AATK: variants seen among roughly 807,000 people sequenced by gnomAD.
AATK encodes the protein lemur tail kinase 1.
Under a neutral mutation model 114.3 loss-of-function variants are expected in AATK, and 91 were observed. That is an observed-to-expected ratio of 0.80 (90% CI 0.67 to 0.95). The LOEUF (loss-of-function observed/expected upper bound fraction) is 0.95. Ranked by LOEUF, AATK falls within the 40% of genes least tolerant of loss-of-function variation. The pLI is 0.00. For missense variants in AATK, 2,176 were observed against 1,965.2 expected, an observed-to-expected ratio of 1.11 and a Z score of -2.03; for synonymous variants, 1,075 against 916.5, an observed-to-expected ratio of 1.17 and a Z score of -3.12.
intron 2 of AATK, 46 bp from the exon 3 acceptor site, chr17:81,131,251 A>G: frequency 6.5e-7 from 1 of 1,529,772 alleles, no homozygotes; most frequent in African/African-American, 1.4e-5. Flanking sequence ...CAGGTCAAGG[A>G]AGGGTGTGGC....
At position 81,126,354 on chromosome 17, in the gene AATK, C is replaced by A; in HGVS notation, c.755+73G>T. ...CTCGCAAGCCCCCTGAGGCAGGACCCGCCCTATGCCCTTCCTTCAGGGGAG... is the reference window on the plus strand; with the variant it reads ...CTCGCAAGCCCCCTGAGGCAGGACCAGCCCTATGCCCTTCCTTCAGGGGAG... On this transcript the variant is annotated intron_variant, in intron 7 of 13. Coordinates refer to ENST00000326724, the MANE Select transcript of AATK (RefSeq NM_001080395.3). This position sits in a 1 kb window ranked among gnomAD's most constrained non-coding sequence, Gnocchi z 5.1. 1.3e-6 allele frequency: 2 copies of A among 1,494,266 alleles called. No individual in the cohort carries two copies. The highest frequency in any genetic ancestry group is 2.5e-5 in the South Asian group (2 of 79,554). 92.6% of individuals were successfully genotyped at this position (1,494,266 alleles called of 1,614,324 possible).
intron 1 of AATK, among the ~76,000 whole-genome samples, chr17:81,135,522 A>G (rs2060996365): frequency 6.6e-6 from 1 of 152,046 alleles, no homozygotes. Flanking sequence ...CTCAGCTCCC[A>G]ACACCCCTCA....
rs368345928 is a variant in AATK, at chr17:81,128,967, G to A, written c.335-418C>T. 9.7e-5 allele frequency: 101 copies of A among 1,044,878 alleles called. 1 individual carries two copies. The African/African-American group carries it at 1.4e-3, about 15-fold the overall frequency. The allele number at this position is 1,044,878 out of a possible 1,614,324, so 64.7% of individuals were successfully genotyped here. On this transcript the variant is annotated intron_variant, in intron 3 of 13. Transcript: ENST00000326724. ...ACCCTGCCGCAGGCTGGCATCCCAC[G>A]CCGGGCGCACCAAAGGCTCCTTTGT... is the stretch of plus-strand genomic sequence containing the variant.
chr17:81,135,223 G>A (rs2060992087), intron 1 of AATK, among the ~76,000 whole-genome samples: 1 of 152,170 alleles, frequency 6.6e-6, no homozygotes, highest in South Asian at 2.1e-4. Flanking sequence ...TCGGAGTATT[G>A]AGCTGAGCCC....
intron 1 of AATK, 112 bp downstream of exon 1, chr17:81,165,825 CG>C (rs1334946482): frequency 3.3e-6 from 5 of 1,507,666 alleles, no homozygotes; most frequent in African/African-American, 2.8e-5. Flanking sequence ...CTGCTGGGCT[CG>C]GGGCGGGGAA....
chr17:81,154,478 G>A (rs1261725189), intron 1 of AATK, among the ~76,000 whole-genome samples: 1 of 145,580 alleles, frequency 6.9e-6, no homozygotes, highest in Non-Finnish European at 1.5e-5. Context: ...CCACCACCAT[G>A]CCCTGCTAAT....
chr17:81,151,322 CCCT>C (rs2061294287), intron 1 of AATK, among the ~76,000 whole-genome samples: 1 of 150,732 alleles, frequency 6.6e-6, no homozygotes. Flanking sequence ...CCCCCCTCAC[CCCT>C]CCTCCCCCAC....
chr17:81,122,405 C>A lies in AATK; in HGVS notation c.1531G>T (p.Ala511Ser). 6.8e-7 allele frequency: 1 copy of A among 1,469,444 alleles called. No homozygotes were observed. Among genetic ancestry groups the A allele is most frequent in the Non-Finnish European group, 9.0e-7 (1 of 1,114,076 alleles). 91.0% of individuals were successfully genotyped at this position (1,469,444 alleles called of 1,614,324 possible). A position where few individuals can be genotyped will look rare whatever the true frequency, so the allele number is the denominator to read the frequency against. Reference protein sequence around the residue: ...RLQELCAPDGAPPGVVPVLSA... With the variant: ...RLQELCAPDGSPPGVVPVLSA... Reference sequence around the variant, plus strand: ...AGCACCGGAACCACGCCCGGGGGCGCGCCGTCGGGGGCGCACAGCTCCTGC... The same window carrying A: ...AGCACCGGAACCACGCCCGGGGGCGAGCCGTCGGGGGCGCACAGCTCCTGC... Residue 511 changes from alanine (A) to serine (S), a missense_variant, in exon 11 of 14, where the codon GCG becomes TCG. Physicochemically the swap from Ala to Ser is moderately conservative, Grantham distance 99. Transcript: ENST00000326724.
At chr17:81,128,143 CCTCT>C (rs35548893) in intron 4 of AATK, among the ~76,000 whole-genome samples, 5 of 150,672 alleles carry the variant, frequency 3.3e-5, no homozygotes, top group African/African-American at 4.9e-5. Context: ...CCCCCGCTGC[CCTCT>C]CTCTCTCTCT....
chr17:81,119,609 G>A (rs909640852), intron 12 of AATK, 29 bp from the exon 13 acceptor site: 21 of 1,536,398 alleles, frequency 1.4e-5, no homozygotes, highest in Middle Eastern at 2.0e-4. Flanking sequence ...CGTCACTCGC[G>A]CTCACAGCCT....
In AATK at chr17:81,142,860, C is replaced by T. The variant is rs530064998; in HGVS notation, c.56-8359G>A. 2.6e-5 allele frequency among the ~76,000 whole-genome samples: 4 copies of T among 152,086 alleles called. No individual in the cohort carries two copies. The East Asian group carries it at 5.8e-4, about 22-fold the overall frequency. ...ACCACCCTATCCACGGAGGTGTGGA[C>T]GCATCATCGGCGTGACCCTCACGCC... On this transcript the variant is annotated intron_variant, in intron 1 of 13. Transcript: ENST00000326724.
In AATK at chr17:81,117,670, C is replaced by T. The variant is rs2060582854; in HGVS notation, c.*732G>A. 2 of 152,284 alleles carry T rather than the reference C, an allele frequency of 1.3e-5. No homozygotes were observed. 9.4% of individuals were successfully genotyped at this position (152,284 alleles called of 1,614,324 possible). ...TGCCTGCACGGTCCTGCCAAGGGCA[C>T]CTCTAGAACGGGGCCCACGGGGCAG... On this transcript the variant is annotated 3_prime_UTR_variant, in exon 14 of 14. Coordinates refer to ENST00000326724, the MANE Select transcript of AATK (RefSeq NM_001080395.3).
intron 12 of AATK, 141 bp from the exon 13 acceptor site, chr17:81,119,721 G>A: frequency 2.0e-6 from 2 of 999,602 alleles, no homozygotes; most frequent in Non-Finnish European, 2.6e-6. Flanking sequence ...ACGGGCCCAG[G>A]CCCCGCCTCC....
rs1182313684 is a variant in AATK at position 81,122,059 on chromosome 17, T to G, written c.1877A>C (p.Asp626Ala). 1.3e-6 allele frequency: 2 copies of G among 1,592,556 alleles called. No individual in the cohort carries two copies. Among genetic ancestry groups the G allele is most frequent in the East Asian group, 4.5e-5 (2 of 44,438 alleles). Residue 626 changes from aspartate to alanine, a missense_variant, in exon 11 of 14, where the codon GAT (aspartate) becomes GCT (alanine). Coordinates refer to ENST00000326724, the MANE Select transcript of AATK (RefSeq NM_001080395.3). ...GAAGGCGGCCACGCCCCAGTCTGCA[T>G]CCTCCGCTCCTCCCTCCGCCAGACT... is the stretch of plus-strand genomic sequence containing the variant. ...PLSLAEGGAE[D>A]ADWGVAAFCP...
At chr17:81,128,718 G>A (rs1190265610) in intron 3 of AATK, 169 bp from the exon 4 acceptor site, 3 of 1,430,540 alleles carry the variant, frequency 2.1e-6, no homozygotes, top group Admixed American at 5.3e-5. Context: ...GGTCTCTTGA[G>A]AGCAGGGGCC....
chr17:81,138,397 A>C (rs544931241), intron 1 of AATK, among the ~76,000 whole-genome samples: 5 of 143,824 alleles, frequency 3.5e-5, no homozygotes, highest in African/African-American at 1.1e-4. Context: ...GTGCACACAC[A>C]CCCCCACACG....
intron 1 of AATK, 200 bp downstream of exon 1, chr17:81,165,738 G>A: frequency 6.6e-7 from 1 of 1,524,636 alleles, no homozygotes; most frequent in Non-Finnish European, 8.8e-7. Context: ...CAGCCCACAG[G>A]CGGAGGCCGG....
At chr17:81,123,976 C>A (rs966977943) in intron 9 of AATK, among the ~76,000 whole-genome samples, 2 of 152,132 alleles carry the variant, frequency 1.3e-5, no homozygotes, top group Non-Finnish European at 2.9e-5. Flanking sequence ...GACTGGAGAC[C>A]CCAGCCAGCG....
Position 81,130,686 on chromosome 17 carries a change from G to T in AATK, c.334+375C>A, listed in dbSNP as rs2060916186. On this transcript the variant is annotated intron_variant, in intron 3 of 13. Coordinates refer to ENST00000326724, the MANE Select transcript of AATK (RefSeq NM_001080395.3). ...AGAAGAGCCCCTGCCCCCAGCACATGGCCATGTCCAGGACCAGAGAGCCCG... is the reference window on the plus strand; with the variant it reads ...AGAAGAGCCCCTGCCCCCAGCACATTGCCATGTCCAGGACCAGAGAGCCCG... Among the ~76,000 whole-genome samples the T allele has an allele frequency of 2.0e-5, 3 of 152,062 alleles. No individual in the cohort carries two copies. In the South Asian group the frequency reaches 6.2e-4, roughly 31 times the overall value.
Sources: allele counts gnomAD v4.1 joint callset (sites outside exome capture counted in the v4.1 genomes callset), GRCh38; gene constraint gnomAD v4.1.1; non-coding constraint Gnocchi (gnomAD v3.1); transcripts MANE v1.5; gene names NCBI Gene and HGNC (gene_info 2026-07-23, HGNC 2026-07-21).